Variants in FDFT1 observed in about 807,000 individuals in gnomAD.
FDFT1 encodes squalene synthase.
In FDFT1, 68 loss-of-function variants were observed where a neutral mutation model predicts 46.8. The ratio of observed to expected loss-of-function variants is 1.45; its 90% CI spans 1.19 to 1.78. The LOEUF is 1.78. Among genes scored for constraint, FDFT1 ranks in the 40% most tolerant of loss-of-function variants. The pLI is 0.00. For synonymous variants in FDFT1, 351 were observed against 185.1 expected (o/e 1.90, Z -7.28); for missense variants, 928 against 524.4 (o/e 1.77, Z -7.52).
At chr8:11,824,673 G>C (rs892449277) in intron 4 of FDFT1, among the ~76,000 whole-genome samples, 2 of 152,150 alleles carry the variant, frequency 1.3e-5, no homozygotes, top group African/African-American at 4.8e-5. Context: ...ATCTGAAATG[G>C]AGATCATACT....
chr8:11,807,765 TGAAAG>T (rs1250773646), intron 1 of FDFT1, among the ~76,000 whole-genome samples: 48 of 152,300 alleles, frequency 3.2e-4, no homozygotes, highest in African/African-American at 1.1e-3. Flanking sequence ...GAAGACATCT[TGAAAG>T]GAATGGCTGG....
intron 4 of FDFT1, among the ~76,000 whole-genome samples, chr8:11,824,837 G>A (rs551927257): frequency 2.1e-3 from 324 of 152,226 alleles, no homozygotes; most frequent in Non-Finnish European, 3.3e-3. Context: ...CTGGGTTCAC[G>A]CCATTCTCCT....
rs114226132 is a variant in FDFT1, at chr8:11,835,946, T to A, written c.1033-2442T>A. Among the ~76,000 whole-genome samples, 1,034 of 131,386 alleles carry A rather than the reference T, an allele frequency of 7.9e-3. 19 individuals carry two copies. The highest frequency in any genetic ancestry group is 0.027 in the African/African-American group (988 of 35,982). The allele number at this position is 131,386 out of a possible 152,430, so 86.2% of individuals were successfully genotyped here. ...GTCAGGAGTGCGAAACCAGCCTGAC[T>A]TATGTGATGAAACCCTGTCTCTACT... On this transcript the variant is annotated intron_variant, in intron 7 of 7. Coordinates refer to ENST00000220584, the MANE Select transcript of FDFT1 (RefSeq NM_004462.5).
intron 6 of FDFT1, 64 bp from the exon 7 acceptor site, chr8:11,831,454 T>C: frequency 6.8e-7 from 1 of 1,479,714 alleles, no homozygotes; most frequent in Non-Finnish European, 9.4e-7. Context: ...TTCTTACCTT[T>C]TTGTGATAAT....
intron 4 of FDFT1, 32 bp downstream of exon 4, chr8:11,821,910 T>C (rs1563323123): frequency 6.2e-7 from 1 of 1,605,698 alleles, no homozygotes; most frequent in Non-Finnish European, 8.5e-7. Flanking sequence ...CTGTGTGTGA[T>C]GTATTAGACA....
intron 4 of FDFT1, among the ~76,000 whole-genome samples, chr8:11,825,686 C>CAAAAA (rs5889388): frequency 6.9e-6 from 1 of 144,610 alleles, no homozygotes; most frequent in Non-Finnish European, 1.5e-5. Flanking sequence ...GACTCCATCT[C>CAAAAA]AAAAAAAAAA....
At chr8:11,803,082 C>T (rs1205608941) in intron 1 of FDFT1, 151 bp downstream of exon 1, 1 of 1,443,388 alleles carries the variant, frequency 6.9e-7, no homozygotes, top group Non-Finnish European at 9.1e-7. Flanking sequence ...TCGAGCCTTC[C>T]CCCTGTAGGG....
chr8:11,827,894 AC>A (rs1563332919), intron 5 of FDFT1, among the ~76,000 whole-genome samples: 2,258 of 148,476 alleles, frequency 0.015, 53 homozygotes, highest in African/African-American at 0.052. Context: ...ACAAAACAAA[AC>A]AAAACAAAAA....
At chr8:11,809,041 T>C in intron 2 of FDFT1, 150 bp downstream of exon 2, 1 of 1,363,830 alleles carries the variant, frequency 7.3e-7, no homozygotes, top group Non-Finnish European at 9.8e-7. Context: ...CGTGTTTACT[T>C]TAGAAAGCCC....
chr8:11,818,861 T>G (rs1474508802), intron 3 of FDFT1, among the ~76,000 whole-genome samples: 1 of 152,196 alleles, frequency 6.6e-6, no homozygotes, highest in Non-Finnish European at 1.5e-5. Flanking sequence ...ATATTTAAGG[T>G]TAATATTGTT....
intron 3 of FDFT1, among the ~76,000 whole-genome samples, chr8:11,814,413 C>G (rs1009054473): frequency 6.6e-6 from 1 of 151,264 alleles, no homozygotes; most frequent in Non-Finnish European, 1.5e-5. Context: ...CCTGGTTTTC[C>G]TCTGGGCTCT....
chr8:11,798,524 T>C (rs1427385761), upstream of FDFT1, among the ~76,000 whole-genome samples: 1 of 152,190 alleles, frequency 6.6e-6, no homozygotes, highest in African/African-American at 2.4e-5. Context: ...CAGGACTTGA[T>C]GAATGATTTT....
chr8:11,808,960 C>T, intron 2 of FDFT1, 69 bp downstream of exon 2: 3 of 1,567,352 alleles, frequency 1.9e-6, no homozygotes, highest in South Asian at 1.2e-5. Context: ...GTGTTGGAAG[C>T]TACCTTTTGA....
intron 5 of FDFT1, among the ~76,000 whole-genome samples, chr8:11,829,047 G>A (rs1810405773): frequency 6.6e-6 from 1 of 152,286 alleles, no homozygotes; most frequent in East Asian, 1.9e-4. Flanking sequence ...GGTTCATACA[G>A]CAGCTCGAAC....
At chr8:11,833,166 C>G (rs1175425402) in intron 7 of FDFT1, among the ~76,000 whole-genome samples, 1 of 152,044 alleles carries the variant, frequency 6.6e-6, no homozygotes, top group Admixed American at 6.6e-5. Flanking sequence ...GCCAGTGACC[C>G]AAAAAATTGC....
chr8:11,808,675 G>C, intron 1 of FDFT1, 119 bp from the exon 2 acceptor site: 2 of 1,482,562 alleles, frequency 1.3e-6, no homozygotes, highest in South Asian at 1.3e-5. Context: ...TGGCCTCGGG[G>C]AGAGGGCGGC....
At chr8:11,798,526 A>C (rs774649876), upstream of FDFT1, among the ~76,000 whole-genome samples, 1 of 152,214 alleles carries the variant, frequency 6.6e-6, no homozygotes, top group Non-Finnish European at 1.5e-5. Flanking sequence ...GGACTTGATG[A>C]ATGATTTTGA....
At chr8:11,806,479 C>CT (rs1204784635) in intron 1 of FDFT1, among the ~76,000 whole-genome samples, 1 of 152,088 alleles carries the variant, frequency 6.6e-6, no homozygotes, top group Non-Finnish European at 1.5e-5. Flanking sequence ...GGGGTACGAG[C>CT]TGGAGGAGTA....
At position 11,820,484 on chromosome 8, in the gene FDFT1, CTG is replaced by C. The variant is rs1563320555; in HGVS notation, c.382-1265_382-1264del. 4.1e-3 allele frequency among the ~76,000 whole-genome samples: 350 copies of C among 84,744 alleles called. 4 individuals are homozygous for C. The highest frequency in any genetic ancestry group is 0.013 in the African/African-American group (339 of 25,658). 55.6% of individuals were successfully genotyped at this position (84,744 alleles called of 152,430 possible). The stretch of plus-strand genomic sequence containing the variant: ...CAATCTAGAGAGGCAGTAGGCCTTG[CTG>C]AGCTGCGGTGGGCTCCACCCAGTTC... On this transcript the variant is annotated intron_variant, in intron 3 of 7. Transcript: ENST00000220584.
Sources: allele counts gnomAD v4.1 joint callset (sites outside exome capture counted in the v4.1 genomes callset), GRCh38; gene constraint gnomAD v4.1.1; transcripts MANE v1.5; gene names NCBI Gene and HGNC (gene_info 2026-07-23, HGNC 2026-07-21).